Variants in NTNG1 observed in about 807,000 individuals in gnomAD.
NTNG1 encodes the protein netrin G1, also known as netrin-G1.
Under a neutral mutation model 54.0 loss-of-function variants are expected in NTNG1, and 16 were observed. The ratio of observed to expected loss-of-function variants is 0.30; its 90% confidence interval spans 0.20 to 0.45. NTNG1 has a LOEUF of 0.45. NTNG1 is among the 20% of genes least tolerant of loss of function. NTNG1 has a pLI of 1.00. For missense variants in NTNG1, 530 were observed against 678.7 expected (o/e 0.78, Z 2.43); for synonymous variants, 255 against 263.1 (o/e 0.97, Z 0.30).
chr1:107,280,507 A>G (rs944964528), intron 2 of NTNG1, among the ~76,000 whole-genome samples: 1 of 150,742 alleles, frequency 6.6e-6, no homozygotes, highest in Non-Finnish European at 1.5e-5. Context: ...GTTTGTCTTG[A>G]CTTTTCTGAG....
At chr1:107,228,964 T>C (rs895690656) in intron 2 of NTNG1, among the ~76,000 whole-genome samples, 1 of 152,060 alleles carries the variant, frequency 6.6e-6, no homozygotes, top group African/African-American at 2.4e-5. Flanking sequence ...CAGAATAACT[T>C]CTCAGTGAAG....
intron 2 of NTNG1, among the ~76,000 whole-genome samples, chr1:107,269,710 A>G (rs1253410072): frequency 6.6e-6 from 1 of 152,248 alleles, no homozygotes; most frequent in Non-Finnish European, 1.5e-5. Context: ...AGCTAAATAT[A>G]CTAGTGTAGA....
intron 2 of NTNG1, among the ~76,000 whole-genome samples, chr1:107,283,956 C>T (rs1295194543): frequency 6.6e-6 from 1 of 152,156 alleles, no homozygotes; most frequent in African/African-American, 2.4e-5. Flanking sequence ...TATGCATCTT[C>T]TACAGCTCAG....
chr1:107,239,128 A>G (rs1661631975), intron 2 of NTNG1, among the ~76,000 whole-genome samples: 1 of 152,168 alleles, frequency 6.6e-6, no homozygotes, highest in African/African-American at 2.4e-5. Flanking sequence ...ATTGTGAAGG[A>G]AAAGTATACA....
intron 3 of NTNG1, among the ~76,000 whole-genome samples, chr1:107,394,058 ATCTC>A (rs574776202): frequency 7.4e-4 from 111 of 149,634 alleles, no homozygotes; most frequent in Admixed American, 2.0e-3. Flanking sequence ...CACACTGTCA[ATCTC>A]TCTCTCTCTC....
intron 3 of NTNG1, among the ~76,000 whole-genome samples, chr1:107,381,732 C>G (rs1039648492): frequency 1.6e-4 from 25 of 152,194 alleles, no homozygotes; most frequent in Non-Finnish European, 2.8e-4. Flanking sequence ...GATTATTTGG[C>G]TTACATAACT....
chr1:107,482,562 G>T lies in NTNG1; in HGVS notation c.*1722G>T, dbSNP rs921083696. The T allele has an allele frequency of 6.6e-6, 1 of 152,330 alleles. No individual in the cohort carries two copies. Among genetic ancestry groups the T allele is most frequent in the Admixed American group, 6.5e-5 (1 of 15,298 alleles). The allele number at this position is 152,330 out of a possible 1,614,324, so 9.4% of individuals were successfully genotyped here. On this transcript the variant is annotated 3_prime_UTR_variant, in exon 8 of 8. Transcript: ENST00000370068. Reference sequence around the variant, plus strand: ...CACACTGTTGTCCTACAGATTACAAGTGTATTAGCAGCAGCATCTCCTGGA... The same window carrying T: ...CACACTGTTGTCCTACAGATTACAATTGTATTAGCAGCAGCATCTCCTGGA...
chr1:107,267,068 A>C, intron 2 of NTNG1, among the ~76,000 whole-genome samples: 1 of 152,228 alleles, frequency 6.6e-6, no homozygotes, highest in Non-Finnish European at 1.5e-5. Context: ...AATGTCAAGA[A>C]TATAATTCAG....
At chr1:107,153,020 C>T (rs560327631) in intron 2 of NTNG1, among the ~76,000 whole-genome samples, 1 of 152,182 alleles carries the variant, frequency 6.6e-6, no homozygotes, top group South Asian at 2.1e-4. Context: ...CTTAACAGAT[C>T]TATTAATGAT....
At chr1:107,337,884 G>C (rs1237636758) in intron 3 of NTNG1, among the ~76,000 whole-genome samples, 1 of 152,040 alleles carries the variant, frequency 6.6e-6, no homozygotes, top group South Asian at 2.1e-4. Flanking sequence ...ATAAGTTTTA[G>C]AGAAAGAATT....
chr1:107,168,335 T>G lies in NTNG1; in HGVS notation c.246+19496T>G, dbSNP rs575162171. On this transcript the variant is annotated intron_variant, in intron 2 of 7. Transcript: ENST00000370068. ...ATAATTTCAGGAAGCTGTAAAATTA[T>G]GTCTACAATTAGTTATTAATCGATG... Among the ~76,000 whole-genome samples the G allele has an allele frequency of 1.2e-4, 19 of 152,222 alleles. No homozygotes were observed. In the East Asian group the frequency reaches 3.5e-3, roughly 28 times the overall value.
chr1:107,406,474 T>TTTTCAG (rs1240402769), intron 4 of NTNG1, among the ~76,000 whole-genome samples: 4 of 152,244 alleles, frequency 2.6e-5, no homozygotes, highest in African/African-American at 9.6e-5. Context: ...CAGTAGATCT[T>TTTTCAG]ATTAGCCCTT....
chr1:107,459,510 T>TA (rs1677149992), intron 7 of NTNG1, among the ~76,000 whole-genome samples: 1 of 151,888 alleles, frequency 6.6e-6, no homozygotes, highest in Admixed American at 6.6e-5. Flanking sequence ...AAGGCAGGGG[T>TA]AAAAAATAAA....
chr1:107,242,052 C>T (rs946236080), intron 2 of NTNG1, among the ~76,000 whole-genome samples: 14 of 152,118 alleles, frequency 9.2e-5, no homozygotes, highest in African/African-American at 2.9e-4. Flanking sequence ...TCAGGCAGAT[C>T]GCTCAATGAG....
intron 4 of NTNG1, among the ~76,000 whole-genome samples, chr1:107,407,336 G>A (rs1482528864): frequency 1.3e-5 from 2 of 152,120 alleles, no homozygotes; most frequent in African/African-American, 2.4e-5. Flanking sequence ...TATCTAGTTT[G>A]AACCACCTAC....
intron 7 of NTNG1, among the ~76,000 whole-genome samples, chr1:107,478,139 C>A (rs1678453465): frequency 1.3e-5 from 2 of 152,108 alleles, no homozygotes; most frequent in Admixed American, 1.3e-4. Flanking sequence ...CAGGTAAGAT[C>A]CATAATTAGG....
intron 2 of NTNG1, among the ~76,000 whole-genome samples, chr1:107,167,806 T>G (rs568440660): frequency 3.0e-4 from 46 of 152,222 alleles, no homozygotes; most frequent in Non-Finnish European, 5.6e-4. Flanking sequence ...TTTTCCAGTT[T>G]TTGTAAAGCC....
intron 2 of NTNG1, among the ~76,000 whole-genome samples, chr1:107,252,109 T>C (rs1662644329): frequency 6.6e-6 from 1 of 152,194 alleles, no homozygotes; most frequent in African/African-American, 2.4e-5. Flanking sequence ...GTGAACTAAA[T>C]GGTTCATAGA....
chr1:107,260,093 A>C (rs1362774326), intron 2 of NTNG1, among the ~76,000 whole-genome samples: 1 of 152,202 alleles, frequency 6.6e-6, no homozygotes, highest in African/African-American at 2.4e-5. Context: ...GAAAATTAAA[A>C]TTTTGGCCAT....
Sources: gnomAD v4.1 joint callset for allele counts (sites outside exome capture counted in the v4.1 genomes callset) on GRCh38, gnomAD v4.1.1 for gene constraint, MANE v1.5 for transcripts, NCBI Gene and HGNC (gene_info 2026-07-23, HGNC 2026-07-21) for gene names.